Variants in EPB41L4A observed in about 807,000 individuals in gnomAD.
The protein encoded by EPB41L4A is band 4.1-like protein 4A.
Under a neutral mutation model 108.6 loss-of-function variants are expected in EPB41L4A, and 100 were observed. That is an observed-to-expected ratio of 0.92 (90% CI 0.78 to 1.09). The LOEUF (loss-of-function observed/expected upper bound fraction) is 1.09, where lower values mean the gene tolerates loss of function less well. Ranked by LOEUF, EPB41L4A falls within the 50% of genes least tolerant of loss-of-function variation. EPB41L4A has a pLI of 0.00. For missense variants in EPB41L4A, 1,030 were observed against 842.7 expected (o/e 1.22, Z -2.75); for synonymous variants, 319 against 289.0 (o/e 1.10, Z -1.05).
chr5:112,343,267 G>C (rs987175885), intron 1 of EPB41L4A, among the ~76,000 whole-genome samples: 1 of 152,160 alleles, frequency 6.6e-6, no homozygotes, highest in African/African-American at 2.4e-5. Flanking sequence ...GAGTTTCTCA[G>C]TCCTTCTGCT....
At chr5:112,231,405 G>C (rs1040572901) in intron 12 of EPB41L4A, among the ~76,000 whole-genome samples, 1 of 152,228 alleles carries the variant, frequency 6.6e-6, no homozygotes, top group East Asian at 1.9e-4. Flanking sequence ...CTTTCTTTTT[G>C]GGAGAGAAGA....
rs1040841535 is a variant in EPB41L4A at position 112,304,402 on chromosome 5, T to A, written c.204+2984A>T. Among the ~76,000 whole-genome samples the A allele has an allele frequency of 2.6e-5, 4 of 152,128 alleles. No homozygotes were observed. In the South Asian group the frequency reaches 8.3e-4, roughly 32 times the overall value. On this transcript the variant is annotated intron_variant, in intron 2 of 22. Coordinates refer to ENST00000261486, the MANE Select transcript of EPB41L4A (RefSeq NM_022140.5). ...AACCAAGGCCCTAATATGAGAGACC[T>A]ACATCCCCAAACACACCAGTCTGGA...
intron 1 of EPB41L4A, among the ~76,000 whole-genome samples, chr5:112,413,432 T>C (rs1464650551): frequency 1.3e-5 from 2 of 152,222 alleles, no homozygotes; most frequent in Admixed American, 6.5e-5. Flanking sequence ...TAGAAGATTT[T>C]CAATACAGCC....
exon 14 of EPB41L4A, chr5:112,143,750 G>T: frequency 5.4e-6 from 2 of 371,188 alleles, no homozygotes; most frequent in South Asian, 1.9e-5. Flanking sequence ...CCCAGACAAG[G>T]GCTCCAATTG....
At chr5:112,166,243 T>C (rs77860890) in intron 22 of EPB41L4A, among the ~76,000 whole-genome samples, 1 of 152,216 alleles carries the variant, frequency 6.6e-6, no homozygotes, top group Non-Finnish European at 1.5e-5. Context: ...TGGTGGAAAT[T>C]AGAACTTAAA....
intron 22 of EPB41L4A, among the ~76,000 whole-genome samples, chr5:112,167,379 T>A (rs1760314329): frequency 6.6e-6 from 1 of 152,140 alleles, no homozygotes; most frequent in Non-Finnish European, 1.5e-5. Flanking sequence ...ACCTATTAGC[T>A]CTCCCAGGCT....
chr5:112,329,830 C>G lies in EPB41L4A; in HGVS notation c.100-22340G>C, dbSNP rs183076299. Among the ~76,000 whole-genome samples, 6 of 151,976 alleles carry G rather than the reference C, an allele frequency of 3.9e-5. No individual in the cohort carries two copies. The East Asian group carries it at 9.8e-4, about 25-fold the overall frequency. ...CCCCTCTTCAGTTGAAGGTAGCAAG[C>G]CATTCCCACAGTGGGTGGCCCGCAG... On this transcript the variant is annotated intron_variant, in intron 1 of 22. Coordinates refer to ENST00000261486, the MANE Select transcript of EPB41L4A (RefSeq NM_022140.5).
intron 4 of EPB41L4A, among the ~76,000 whole-genome samples, chr5:112,271,413 A>G (rs1174402946): frequency 6.6e-6 from 1 of 152,228 alleles, no homozygotes; most frequent in Admixed American, 6.5e-5. Context: ...AGTACTTTGC[A>G]AGTACACTCT....
intron 12 of EPB41L4A, among the ~76,000 whole-genome samples, chr5:112,222,396 T>C (rs1748131110): frequency 6.6e-6 from 1 of 152,210 alleles, no homozygotes; most frequent in African/African-American, 2.4e-5. Context: ...AATGTTTCCA[T>C]GCCTCAGTTT....
intron 10 of EPB41L4A, among the ~76,000 whole-genome samples, chr5:112,240,002 A>G (rs763388622): frequency 1.2e-4 from 18 of 152,246 alleles, no homozygotes; most frequent in Non-Finnish European, 2.5e-4. Flanking sequence ...GATGTGAAAC[A>G]AAGAAAAAAG....
downstream of EPB41L4A, among the ~76,000 whole-genome samples, chr5:112,157,727 A>G (rs957612561): frequency 1.3e-5 from 2 of 152,172 alleles, no homozygotes; most frequent in South Asian, 4.1e-4. Context: ...GGTTCCTAAT[A>G]TTAATCACAT....
At chr5:112,385,363 A>C (rs1760443615) in intron 1 of EPB41L4A, among the ~76,000 whole-genome samples, 1 of 152,208 alleles carries the variant, frequency 6.6e-6, no homozygotes, top group Non-Finnish European at 1.5e-5. Flanking sequence ...CATTACAGAG[A>C]GGGCAGAATC....
chr5:112,211,459 G>A (rs796381139), intron 12 of EPB41L4A, among the ~76,000 whole-genome samples: 7 of 152,280 alleles, frequency 4.6e-5, no homozygotes, highest in African/African-American at 1.7e-4. Context: ...GCGCATGCCT[G>A]TAATCCCAGA....
intron 1 of EPB41L4A, among the ~76,000 whole-genome samples, chr5:112,331,318 C>T (rs1176139921): frequency 6.6e-6 from 1 of 152,194 alleles, no homozygotes; most frequent in Non-Finnish European, 1.5e-5. Context: ...CCTACAACTA[C>T]CCAGTTCTGC....
At chr5:112,195,857 C>A (rs749392625) in intron 15 of EPB41L4A, 149 bp from the exon 16 acceptor site, 3 of 671,002 alleles carry the variant, frequency 4.5e-6, no homozygotes, top group Non-Finnish European at 5.1e-6. Flanking sequence ...ATATGCCTAA[C>A]CCTACATACA....
chr5:112,254,502 G>A (rs1286675129), intron 9 of EPB41L4A, among the ~76,000 whole-genome samples: 1 of 152,102 alleles, frequency 6.6e-6, no homozygotes, highest in Non-Finnish European at 1.5e-5. Context: ...CAGAGTTAAT[G>A]TAACACCCAA....
Position 112,321,008 on chromosome 5 carries a change from G to A in EPB41L4A, c.100-13518C>T, listed in dbSNP as rs114764822. Among the ~76,000 whole-genome samples, 773 of 152,338 alleles carry A rather than the reference G, an allele frequency of 5.1e-3. 8 individuals carry two copies. Among genetic ancestry groups the A allele is most frequent in the African/African-American group, 0.017 (702 of 41,576 alleles). On this transcript the variant is annotated intron_variant, in intron 1 of 22. Coordinates refer to ENST00000261486, the MANE Select transcript of EPB41L4A (RefSeq NM_022140.5). ...CTTCAAGTTTCCTGAAAGGTTGAAA[G>A]AAAGGGTCGTGAGATTACAGGCCAT...
chr5:112,402,310 G>A (rs1425219386), intron 1 of EPB41L4A, among the ~76,000 whole-genome samples: 2 of 151,668 alleles, frequency 1.3e-5, no homozygotes, highest in African/African-American at 4.8e-5. Context: ...TTCCTGTACA[G>A]CCTGCAGAAC....
intron 9 of EPB41L4A, among the ~76,000 whole-genome samples, chr5:112,253,172 C>G (rs1464564226): frequency 6.6e-6 from 1 of 152,184 alleles, no homozygotes; most frequent in Non-Finnish European, 1.5e-5. Flanking sequence ...AGGAATTATA[C>G]AGCAGAGAAA....
Sources: gnomAD v4.1 joint callset for allele counts (sites outside exome capture counted in the v4.1 genomes callset) on GRCh38, gnomAD v4.1.1 for gene constraint, MANE v1.5 for transcripts, NCBI Gene and HGNC (gene_info 2026-07-23, HGNC 2026-07-21) for gene names.